Variants in REDIC1 observed in about 807,000 individuals in gnomAD.
The protein encoded by REDIC1 is regulator of DNA class I crossover intermediates 1, also known as HEI10 Interacting Protein 1.
chr12:39,691,941 A>T, the REDIC1 span: 2 of 976,472 alleles, frequency 2.0e-6, no homozygotes, highest in African/African-American at 3.5e-5. Context: ...AACTGAAGTA[A>T]TGTAAAAGAA....
the REDIC1 span, among the ~76,000 whole-genome samples, chr12:39,836,269 G>A: frequency 3.6e-4 from 55 of 152,060 alleles, 1 homozygote; most frequent in Admixed American, 3.0e-3. Flanking sequence ...TGAGTGCTGG[G>A]GGAACTGAAT....
chr12:39,864,956 C>A, the REDIC1 span: 11 of 1,359,400 alleles, frequency 8.1e-6, no homozygotes, highest in South Asian at 3.1e-5. Context: ...TTGGTAAAAA[C>A]AAACCAAAAA....
At chr12:39,737,642 A>G in the REDIC1 span, among the ~76,000 whole-genome samples, 1 of 152,248 alleles carries the variant, frequency 6.6e-6, no homozygotes, top group Admixed American at 6.5e-5. Flanking sequence ...AAATTAATAA[A>G]GTGATTTTCC....
the REDIC1 span, among the ~76,000 whole-genome samples, chr12:39,901,844 A>AT: frequency 6.7e-6 from 1 of 148,976 alleles, no homozygotes; most frequent in Non-Finnish European, 1.5e-5. Flanking sequence ...ATTACTGGGT[A>AT]TATACCCAAA....
the REDIC1 span, among the ~76,000 whole-genome samples, chr12:39,729,811 T>C: frequency 3.3e-5 from 5 of 152,178 alleles, no homozygotes; most frequent in African/African-American, 1.2e-4. Context: ...TTTGTAGATC[T>C]CTAAGAACTT....
the REDIC1 span, among the ~76,000 whole-genome samples, chr12:39,893,191 A>AT: frequency 6.6e-6 from 1 of 152,194 alleles, no homozygotes; most frequent in East Asian, 1.9e-4. Flanking sequence ...AGATTGGCCA[A>AT]TTTTCTAGAA....
chr12:39,683,518 C>G, the REDIC1 span: 1 of 1,456,280 alleles, frequency 6.9e-7, no homozygotes, highest in Non-Finnish European at 9.6e-7. Context: ...GAATACAAAT[C>G]AGGATCTAGT....
chr12:39,685,327 C>A, the REDIC1 span, among the ~76,000 whole-genome samples: 38 of 152,232 alleles, frequency 2.5e-4, no homozygotes, highest in East Asian at 6.9e-3. Flanking sequence ...TGATTGGTTT[C>A]GGGCAGGCCT....
At chr12:39,626,199 G>A in the REDIC1 span, 55 of 847,934 alleles carry the variant, frequency 6.5e-5, no homozygotes, top group Non-Finnish European at 9.6e-5. Context: ...GGCCTCAGGC[G>A]GTGGACCAGA....
At chr12:39,761,696 A>G in the REDIC1 span, among the ~76,000 whole-genome samples, 1 of 152,024 alleles carries the variant, frequency 6.6e-6, no homozygotes, top group Non-Finnish European at 1.5e-5. Flanking sequence ...CTGTGGAGGT[A>G]GGAAGAGAAA....
the REDIC1 span, among the ~76,000 whole-genome samples, chr12:39,697,591 ACAG>A: frequency 1.3e-5 from 2 of 152,178 alleles, no homozygotes; most frequent in African/African-American, 4.8e-5. Flanking sequence ...TATAGAAACA[ACAG>A]AGAGTTAAAA....
the REDIC1 span, among the ~76,000 whole-genome samples, chr12:39,769,355 C>A: frequency 6.6e-6 from 1 of 151,940 alleles, no homozygotes; most frequent in Non-Finnish European, 1.5e-5. Context: ...TAAAATAAAA[C>A]CAGGAATTTG....
chr12:39,830,760 C>T, the REDIC1 span, among the ~76,000 whole-genome samples: 1 of 152,088 alleles, frequency 6.6e-6, no homozygotes, highest in African/African-American at 2.4e-5. Context: ...AATACTACTA[C>T]TCAAATATGG....
chr12:39,873,262 G>C, the REDIC1 span, among the ~76,000 whole-genome samples: 1 of 152,100 alleles, frequency 6.6e-6, no homozygotes, highest in Non-Finnish European at 1.5e-5. Context: ...GACAGCTGTT[G>C]CAAAAAGAGA....
chr12:39,682,527 G>C, the REDIC1 span: 1 of 995,136 alleles, frequency 1.0e-6, no homozygotes, highest in Non-Finnish European at 1.4e-6. Context: ...AACTCAATAT[G>C]TCCTCTAAGA....
At chr12:39,847,366 C>T in the REDIC1 span, among the ~76,000 whole-genome samples, 1 of 152,208 alleles carries the variant, frequency 6.6e-6, no homozygotes, top group Non-Finnish European at 1.5e-5. Flanking sequence ...CTCCTCCCGA[C>T]TGCTAGACAA....
chr12:39,857,496 C>T, the REDIC1 span, among the ~76,000 whole-genome samples: 1 of 152,190 alleles, frequency 6.6e-6, no homozygotes, highest in Non-Finnish European at 1.5e-5. Context: ...TCTCTATATC[C>T]ACTGTCACCA....
chr12:39,701,346 T>C, the REDIC1 span, among the ~76,000 whole-genome samples: 1 of 152,160 alleles, frequency 6.6e-6, no homozygotes. Context: ...AAGAAGGCCA[T>C]TACATAATGG....
At chr12:39,901,311 T>C in the REDIC1 span, among the ~76,000 whole-genome samples, 64 of 151,996 alleles carry the variant, frequency 4.2e-4, no homozygotes, top group African/African-American at 1.4e-3. Context: ...ACACCAAAAG[T>C]AATGGCAACA....
Sources: allele counts gnomAD v4.1 joint callset (sites outside exome capture counted in the v4.1 genomes callset), GRCh38; gene constraint gnomAD v4.1.1; transcripts MANE v1.5; gene names NCBI Gene and HGNC (gene_info 2026-07-23, HGNC 2026-07-21).